Variants in ATAD2 observed in about 807,000 individuals in gnomAD.
ATAD2 encodes ATPase family AAA domain containing 2.
A neutral mutation model predicts 168.9 loss-of-function variants in ATAD2; 62 were observed. The ratio of observed to expected loss-of-function variants is 0.37; its 90% CI spans 0.30 to 0.45. The LOEUF (loss-of-function observed/expected upper bound fraction) is 0.45, where lower values mean the gene tolerates loss of function less well. Ranked by LOEUF, ATAD2 falls within the 20% of genes least tolerant of loss-of-function variation. The probability of loss-of-function intolerance (pLI) is 1.00; values close to 1 mark genes in which losing one functional copy is unlikely to be tolerated. For synonymous variants in ATAD2, 613 were observed against 571.6 expected (o/e 1.07, Z -1.03); for missense variants, 1,419 against 1,667.8 (o/e 0.85, Z 2.60).
intron 1 of ATAD2, among the ~76,000 whole-genome samples, chr8:123,412,890 C>T (rs551748986): frequency 6.6e-6 from 1 of 152,248 alleles, no homozygotes; most frequent in South Asian, 2.1e-4. Context: ...ATTAAAATGC[C>T]TGCTTAAGAA....
chr8:123,401,040 G>A, upstream of ATAD2: 1 of 1,571,532 alleles, frequency 6.4e-7, no homozygotes, highest in South Asian at 1.1e-5. Context: ...GCAAGCCGGT[G>A]GGCATCGTCA....
intron 22 of ATAD2, among the ~76,000 whole-genome samples, chr8:123,335,282 T>C (rs990458464): frequency 1.3e-5 from 2 of 152,226 alleles, no homozygotes; most frequent in African/African-American, 4.8e-5. Flanking sequence ...CTATGTACAA[T>C]GGACTGTTCT....
chr8:123,361,447 C>T, intron 9 of ATAD2, 92 bp downstream of exon 9: 1 of 968,460 alleles, frequency 1.0e-6, no homozygotes, highest in Non-Finnish European at 1.6e-6. Context: ...TTTAATCAGC[C>T]AGCCTATACT....
intron 2 of ATAD2, among the ~76,000 whole-genome samples, chr8:123,373,961 A>G (rs1829232627): frequency 6.6e-6 from 1 of 152,198 alleles, no homozygotes; most frequent in South Asian, 2.1e-4. Context: ...AACTTAAAGT[A>G]AAATAAAACC....
At chr8:123,388,966 CTCTCTCT>C (rs892662653) in intron 1 of ATAD2, among the ~76,000 whole-genome samples, 3 of 149,738 alleles carry the variant, frequency 2.0e-5, no homozygotes, top group African/African-American at 7.5e-5. Flanking sequence ...CTGTTTTCTT[CTCTCTCT>C]TTTTTTTTTT....
chr8:123,365,442 T>C (rs1415036318), intron 8 of ATAD2, among the ~76,000 whole-genome samples: 1 of 152,018 alleles, frequency 6.6e-6, no homozygotes, highest in East Asian at 1.9e-4. Context: ...CTAAAATTCA[T>C]ATGGAACCAA....
chr8:123,356,065 T>C (rs1828632881), intron 13 of ATAD2: 1 of 156,316 alleles, frequency 6.4e-6, no homozygotes, highest in Admixed American at 6.5e-5. Flanking sequence ...GAGCTGGGAT[T>C]ATTAGGTTTG....
chr8:123,351,358 G>C (rs907649597), intron 13 of ATAD2, among the ~76,000 whole-genome samples: 1 of 152,148 alleles, frequency 6.6e-6, no homozygotes, highest in African/African-American at 2.4e-5. Context: ...GTACGTGTAA[G>C]ATGTTTAACA....
At chr8:123,387,835 T>G (rs1450700590) in intron 1 of ATAD2, among the ~76,000 whole-genome samples, 1 of 152,186 alleles carries the variant, frequency 6.6e-6, no homozygotes, top group Non-Finnish European at 1.5e-5. Flanking sequence ...CCAAGCTTAT[T>G]CAAGCTTTAA....
In ATAD2 at chr8:123,349,308, G is replaced by T. The variant is rs1828369830; in HGVS notation, c.1783C>A (p.Leu595Ile). Residue 595 changes from leucine to isoleucine, a missense_variant, in exon 14 of 28, where the codon CTC becomes ATC. Leu to Ile is a conservative substitution (Grantham distance 5). Coordinates refer to ENST00000287394, the MANE Select transcript of ATAD2 (RefSeq NM_014109.4). ...ACCTCTTTATCAGGCAGGCTAAAGA[G>T]GAATTCTCTATCAAAGCGACCAGGC... The part of the protein sequence containing the change: ...RRPGRFDREF[L>I]FSLPDKEARK... The T allele has an allele frequency of 9.3e-6, 15 of 1,613,844 alleles. No homozygotes were observed. The highest frequency in any genetic ancestry group is 1.3e-5 in the African/African-American group (1 of 75,004).
At chr8:123,346,536 CTTTTTA>C (rs1385947280) in intron 17 of ATAD2, 76 bp downstream of exon 17, 2 of 1,311,042 alleles carry the variant, frequency 1.5e-6, no homozygotes, top group Non-Finnish European at 2.0e-6. Context: ...TTGGTTAGCA[CTTTTTA>C]TTTTTTCAAC....
intron 19 of ATAD2, among the ~76,000 whole-genome samples, chr8:123,343,301 T>TA (rs2131315128): frequency 6.6e-6 from 1 of 152,218 alleles, no homozygotes; most frequent in South Asian, 2.1e-4. Context: ...ACTGAGGCCT[T>TA]ACCTAGCCTA....
chr8:123,321,034 C>A lies in ATAD2; in HGVS notation c.*100G>T, dbSNP rs1827453530. On this transcript the variant is annotated 3_prime_UTR_variant, in exon 28 of 28. Coordinates refer to ENST00000287394, the MANE Select transcript of ATAD2 (RefSeq NM_014109.4). ...TTTATTTTACTATTTTAATCTTTTC[C>A]TTAAAGATGCAGGGTTTCATACTAC... 1 of 1,008,986 alleles carries A rather than the reference C, an allele frequency of 9.9e-7. No homozygotes were observed. Among genetic ancestry groups the A allele is most frequent in the East Asian group, 2.5e-5 (1 of 39,728 alleles). The allele number at this position is 1,008,986 out of a possible 1,614,324, so 62.5% of individuals were successfully genotyped here. A position where few individuals can be genotyped will look rare whatever the true frequency, so the allele number is the denominator to read the frequency against.
In ATAD2 at chr8:123,338,078, C is replaced by T. The variant is rs572198817; in HGVS notation, c.2855-257G>A. On this transcript the variant is annotated intron_variant, in intron 20 of 27. Transcript: ENST00000287394. Reference sequence around the variant, plus strand: ...CCTTTAAGATAATTTAAGAGGCAGCCGGGTGTGGTGGCTCACACCTGTAAT... The same window carrying T: ...CCTTTAAGATAATTTAAGAGGCAGCTGGGTGTGGTGGCTCACACCTGTAAT... Among the ~76,000 whole-genome samples, 69 of 152,256 alleles carry T rather than the reference C, an allele frequency of 4.5e-4. 1 individual carries two copies. In the South Asian group the frequency reaches 0.013, roughly 28 times the overall value.
chr8:123,334,388 C>G, intron 22 of ATAD2, 66 bp from the exon 23 acceptor site: 1 of 1,371,342 alleles, frequency 7.3e-7, no homozygotes, highest in East Asian at 2.5e-5. Flanking sequence ...AAAATAAACT[C>G]AGCATATTAG....
chr8:123,383,939 G>C (rs1271512571), intron 1 of ATAD2, among the ~76,000 whole-genome samples: 2 of 151,658 alleles, frequency 1.3e-5, no homozygotes, highest in Non-Finnish European at 2.9e-5. Context: ...AAATTAGCTG[G>C]GTGTGGTAGC....
chr8:123,322,912 TA>T, intron 27 of ATAD2, 25 bp downstream of exon 27: 1 of 1,606,060 alleles, frequency 6.2e-7, no homozygotes, highest in Non-Finnish European at 8.5e-7. Flanking sequence ...AGAGCATTTG[TA>T]AAAAGTTTCC....
intron 9 of ATAD2, among the ~76,000 whole-genome samples, chr8:123,360,799 C>T (rs964434728): frequency 6.6e-6 from 1 of 152,238 alleles, no homozygotes; most frequent in Admixed American, 6.5e-5. Flanking sequence ...ATAATCCTTG[C>T]TCTATCTCCC....
At chr8:123,392,725 T>C (rs1488928005) in intron 1 of ATAD2, among the ~76,000 whole-genome samples, 1 of 152,136 alleles carries the variant, frequency 6.6e-6, no homozygotes, top group Non-Finnish European at 1.5e-5. Flanking sequence ...AAGAAGCAGC[T>C]ATGCCAGTGT....
Sources: gnomAD v4.1 joint callset for allele counts (sites outside exome capture counted in the v4.1 genomes callset) on GRCh38, gnomAD v4.1.1 for gene constraint, MANE v1.5 for transcripts, NCBI Gene and HGNC (gene_info 2026-07-23, HGNC 2026-07-21) for gene names.